The following CSMD1 variants were observed in gnomAD, a reference collection of about 807,000 sequenced individuals.
CSMD1 encodes the protein CUB and sushi domain-containing protein 1.
CSMD1 carries 213 observed loss-of-function variants against 417.5 expected under a neutral mutation model. The observed-to-expected ratio is 0.51, with a 90% CI of 0.46 to 0.57. CSMD1 has a LOEUF of 0.57. Ranked by LOEUF, CSMD1 falls within the 20% of genes least tolerant of loss-of-function variation. CSMD1 has a pLI of 0.00. For synonymous variants in CSMD1, 2,862 were observed against 1,736.8 expected (o/e 1.65, Z -16.11); for missense variants, 6,923 against 4,529.7 (o/e 1.53, Z -15.17).
chr8:3,793,245 G>A (rs964735423), intron 5 of CSMD1, among the ~76,000 whole-genome samples: 8 of 152,118 alleles, frequency 5.3e-5, no homozygotes, highest in African/African-American at 1.7e-4. Flanking sequence ...AGACCTTAAT[G>A]GTCATCAATC....
chr8:4,806,498 C>T, intron 1 of CSMD1, among the ~76,000 whole-genome samples: 1 of 152,322 alleles, frequency 6.6e-6, no homozygotes, highest in East Asian at 1.9e-4. Context: ...GTTTACATTG[C>T]ATTCACTTCT....
intron 7 of CSMD1, among the ~76,000 whole-genome samples, chr8:3,675,736 G>C (rs893290153): frequency 1.1e-4 from 16 of 152,174 alleles, no homozygotes; most frequent in Admixed American, 1.0e-3. Context: ...CCTTGATCTT[G>C]GACTTCCAGT....
intron 1 of CSMD1, among the ~76,000 whole-genome samples, chr8:4,729,853 A>G (rs1809729372): frequency 6.6e-6 from 1 of 152,228 alleles, no homozygotes; most frequent in South Asian, 2.1e-4. Flanking sequence ...CCTAAGTCCT[A>G]ATCTTTCTTT....
At chr8:2,980,878 C>G (rs1418710973) in intron 54 of CSMD1, among the ~76,000 whole-genome samples, 1 of 152,152 alleles carries the variant, frequency 6.6e-6, no homozygotes, top group African/African-American at 2.4e-5. Flanking sequence ...GTTCACTACC[C>G]TTAAAATATT....
In CSMD1 at chr8:3,352,188, A is replaced by C. The variant is rs113779466; in HGVS notation, c.3305-4027T>G. On this transcript the variant is annotated intron_variant, in intron 21 of 69. Transcript: ENST00000635120. ...AATGCCAGGACCTGGGCACACTCTC[A>C]GGTGCAAGACAAATAGGATGTTTTT... Among the ~76,000 whole-genome samples the C allele has an allele frequency of 7.6e-3, 1,161 of 152,312 alleles. 8 individuals carry two copies. The highest frequency in any genetic ancestry group is 0.011 in the Non-Finnish European group (731 of 68,032).
intron 62 of CSMD1, among the ~76,000 whole-genome samples, chr8:2,959,155 C>T (rs7816885): frequency 6.6e-6 from 1 of 152,036 alleles, no homozygotes; most frequent in African/African-American, 2.4e-5. Context: ...CCAGAGTATA[C>T]AGCACAGTGG....
At chr8:4,487,638 C>G (rs1472505707) in intron 2 of CSMD1, among the ~76,000 whole-genome samples, 1 of 152,094 alleles carries the variant, frequency 6.6e-6, no homozygotes, top group Non-Finnish European at 1.5e-5. Flanking sequence ...ATAAGGCACA[C>G]CCTTGATTTT....
At chr8:4,784,424 A>AT (rs1020178814) in intron 1 of CSMD1, among the ~76,000 whole-genome samples, 18 of 152,178 alleles carry the variant, frequency 1.2e-4, no homozygotes, top group Admixed American at 2.6e-4. Flanking sequence ...ACTCATATGG[A>AT]TTTTTTAAAA....
At chr8:3,771,080 T>C (rs908252579) in intron 5 of CSMD1, among the ~76,000 whole-genome samples, 36 of 151,798 alleles carry the variant, frequency 2.4e-4, no homozygotes, top group African/African-American at 7.5e-4. Context: ...ACAATAGTCT[T>C]GGGGGTATTG....
At chr8:3,931,554 G>C (rs962417128) in intron 5 of CSMD1, among the ~76,000 whole-genome samples, 1 of 150,124 alleles carries the variant, frequency 6.7e-6, no homozygotes, top group South Asian at 2.2e-4. Flanking sequence ...CAAACTTCTT[G>C]TGGAGGGAGG....
chr8:3,975,677 A>C lies in CSMD1; in HGVS notation c.818+22226T>G, dbSNP rs17068333. On this transcript the variant is annotated intron_variant, in intron 5 of 69. Coordinates refer to ENST00000635120, the MANE Select transcript of CSMD1 (RefSeq NM_033225.6). ...AATGGTCCCGATTCAGGAAATGTAC[A>C]GGAGATGATGGATTTAAAAGCCATG... 3.1e-3 allele frequency among the ~76,000 whole-genome samples: 467 copies of C among 152,316 alleles called. 7 individuals carry two copies. The highest frequency in any genetic ancestry group is 1.1e-3 in the Non-Finnish European group (73 of 68,030).
intron 7 of CSMD1, among the ~76,000 whole-genome samples, chr8:3,621,488 C>T (rs755709350): frequency 1.3e-5 from 2 of 151,972 alleles, no homozygotes; most frequent in African/African-American, 2.4e-5. Flanking sequence ...AGTACTTCAG[C>T]GGAGTATGAT....
At chr8:3,757,782 G>A (rs141974359) in intron 5 of CSMD1, among the ~76,000 whole-genome samples, 1 of 151,942 alleles carries the variant, frequency 6.6e-6, no homozygotes, top group African/African-American at 2.4e-5. Flanking sequence ...CTGGGAGGCA[G>A]AGGTTGCAGT....
intron 3 of CSMD1, among the ~76,000 whole-genome samples, chr8:4,357,615 G>C (rs142971996): frequency 1.4e-3 from 219 of 152,078 alleles, no homozygotes; most frequent in African/African-American, 4.7e-3. Flanking sequence ...CAAATAAATA[G>C]CATGCTTAAA....
chr8:4,780,170 G>C (rs1419808940), intron 1 of CSMD1, among the ~76,000 whole-genome samples: 6 of 152,146 alleles, frequency 3.9e-5, no homozygotes, highest in Non-Finnish European at 8.8e-5. Context: ...CAGCATCTTT[G>C]ACAACCTAGT....
chr8:4,529,100 G>A lies in CSMD1; in HGVS notation c.302+108242C>T, dbSNP rs564415089. Among the ~76,000 whole-genome samples the A allele has an allele frequency of 2.6e-5, 4 of 152,250 alleles. No homozygotes were observed. In the East Asian group the frequency reaches 7.7e-4, roughly 29 times the overall value. ...CAGAGGATAAAGAACTCTCTCTCAT[G>A]AGTAACAAATCAGAAGCCACCAAAC... On this transcript the variant is annotated intron_variant, in intron 2 of 69. Coordinates refer to ENST00000635120, the MANE Select transcript of CSMD1 (RefSeq NM_033225.6).
In CSMD1 at chr8:4,881,132, A is replaced by T. The variant is rs559685090; in HGVS notation, c.85+113200T>A. On this transcript the variant is annotated intron_variant, in intron 1 of 69. Transcript: ENST00000635120. ...ATTAATAGTATCACTGGCAATTATAATCTTGATTTAATCATATTTCACTTT... is the reference window on the plus strand; with the variant it reads ...ATTAATAGTATCACTGGCAATTATATTCTTGATTTAATCATATTTCACTTT... Among the ~76,000 whole-genome samples, 4 of 152,102 alleles carry T rather than the reference A, an allele frequency of 2.6e-5. No homozygotes were observed. In the East Asian group the frequency reaches 7.7e-4, roughly 29 times the overall value.
intron 8 of CSMD1, among the ~76,000 whole-genome samples, chr8:3,601,124 A>G (rs1584945296): frequency 1.3e-5 from 2 of 152,306 alleles, no homozygotes; most frequent in East Asian, 3.9e-4. Context: ...TATCACTGCT[A>G]GATGTAGGTT....
chr8:3,208,260 C>T (rs1812388358), intron 30 of CSMD1, among the ~76,000 whole-genome samples: 1 of 152,166 alleles, frequency 6.6e-6, no homozygotes. Flanking sequence ...AAATTATTAG[C>T]GATGGTAAAG....
Sources: allele counts gnomAD v4.1 joint callset (sites outside exome capture counted in the v4.1 genomes callset), GRCh38; gene constraint gnomAD v4.1.1; transcripts MANE v1.5; gene names NCBI Gene and HGNC (gene_info 2026-07-23, HGNC 2026-07-21).